Variants in RAB28 observed in about 807,000 individuals in gnomAD.
RAB28 encodes RAB28, member RAS oncogene family, also known as ras-related protein Rab-28.
RAB28 carries 24 observed loss-of-function variants against 31.7 expected under a neutral mutation model. The ratio of observed to expected loss-of-function variants is 0.76; its 90% CI spans 0.55 to 1.06. The LOEUF is 1.06. Ranked by LOEUF, RAB28 falls within the 50% of genes least tolerant of loss-of-function variation. RAB28 has a pLI of 0.00. For missense variants in RAB28, 254 were observed against 258.5 expected (o/e 0.98, Z 0.12); for synonymous variants, 100 against 90.4 (o/e 1.11, Z -0.60).
intron 4 of RAB28, among the ~76,000 whole-genome samples, chr4:13,413,424 A>G (rs1319547226): frequency 6.6e-6 from 1 of 152,244 alleles, no homozygotes; most frequent in Non-Finnish European, 1.5e-5. Context: ...ACTTAAAACC[A>G]AGAATATTTC....
In RAB28 at chr4:13,404,882, C is replaced by G. The variant is rs575917374; in HGVS notation, c.392-23288G>C. On this transcript the variant is annotated intron_variant, in intron 4 of 6. Transcript: ENST00000330852. The stretch of plus-strand genomic sequence containing the variant: ...CAGTTTTTTTGTTGGTTTTCAGTTA[C>G]CCACCATTTTGTTTCGTTTTTGTTA... Among the ~76,000 whole-genome samples, 48 of 151,454 alleles carry G rather than the reference C, an allele frequency of 3.2e-4. No individual in the cohort carries two copies. In the South Asian group the frequency reaches 0.01, roughly 32 times the overall value.
chr4:13,454,770 C>T (rs1406401377), intron 4 of RAB28, among the ~76,000 whole-genome samples: 2 of 152,138 alleles, frequency 1.3e-5, no homozygotes, highest in African/African-American at 4.8e-5. Flanking sequence ...GTTATTCTGG[C>T]TGGGGGCATA....
At chr4:13,444,734 C>T (rs775898240) in intron 4 of RAB28, among the ~76,000 whole-genome samples, 5 of 152,234 alleles carry the variant, frequency 3.3e-5, no homozygotes, top group Non-Finnish European at 5.9e-5. Context: ...TTTAATAAGA[C>T]ATGGGTGTAA....
In RAB28 at chr4:13,372,011, G is replaced by A. The variant is rs1040885199; in HGVS notation, c.574-3361C>T. 7.8e-5 allele frequency: 59 copies of A among 759,736 alleles called. No individual in the cohort carries two copies. In the African/African-American group the frequency reaches 8.8e-4, roughly 11 times the overall value. 47.1% of individuals were successfully genotyped at this position (759,736 alleles called of 1,614,324 possible). A position where few individuals can be genotyped will look rare whatever the true frequency, so the allele number is the denominator to read the frequency against. On this transcript the variant is annotated intron_variant, in intron 6 of 6. Coordinates refer to ENST00000330852, the MANE Select transcript of RAB28 (RefSeq NM_001017979.3). ...CAACCTATGGGTTGGGGCACAAGGT[G>A]TAAGGAGTATAGATGGACTCTGTGC...
At chr4:13,474,460 A>T in intron 2 of RAB28, 54 bp from the exon 3 acceptor site, 1 of 1,075,940 alleles carries the variant, frequency 9.3e-7, no homozygotes, top group South Asian at 1.4e-5. Flanking sequence ...ATTAAGTAAC[A>T]ATACAACAAG....
chr4:13,482,187 T>C (rs1716635045), intron 1 of RAB28, among the ~76,000 whole-genome samples: 1 of 152,116 alleles, frequency 6.6e-6, no homozygotes, highest in South Asian at 2.1e-4. Context: ...GTGAAAAAAT[T>C]ATCCTGTCCT....
Position 13,484,340 on chromosome 4 carries a change from C to T in RAB28, c.-190G>A, listed in dbSNP as rs572346291. 129 of 545,312 alleles carry T rather than the reference C, an allele frequency of 2.4e-4. No homozygotes were observed. In the African/African-American group the frequency reaches 2.5e-3, roughly 10 times the overall value. 33.8% of individuals were successfully genotyped at this position (545,312 alleles called of 1,614,324 possible). A position where few individuals can be genotyped will look rare whatever the true frequency, so the allele number is the denominator to read the frequency against. On this transcript the variant is annotated 5_prime_UTR_variant, in exon 1 of 7. Coordinates refer to ENST00000330852, the MANE Select transcript of RAB28 (RefSeq NM_001017979.3). ...ATCTTGCCCACCTCCCCGCCCTCTG[C>T]GCGCGGCCCCGCCCCCTACGCGCAC...
intron 4 of RAB28, among the ~76,000 whole-genome samples, chr4:13,394,310 C>T (rs1022153098): frequency 1.1e-4 from 17 of 152,146 alleles, no homozygotes; most frequent in Admixed American, 3.3e-4. Flanking sequence ...AAAACTGCTT[C>T]ATCTCAGATC....
At chr4:13,466,232 G>T (rs1023721831) in intron 3 of RAB28, among the ~76,000 whole-genome samples, 5 of 151,828 alleles carry the variant, frequency 3.3e-5, no homozygotes, top group African/African-American at 1.2e-4. Context: ...AAACTAAAAA[G>T]CTTCTGTGCA....
chr4:13,407,798 A>G (rs879813140), intron 4 of RAB28, among the ~76,000 whole-genome samples: 1 of 152,208 alleles, frequency 6.6e-6, no homozygotes, highest in Non-Finnish European at 1.5e-5. Flanking sequence ...AAGTTCACTC[A>G]TGATTTGGCT....
chr4:13,474,480 A>G (rs1048702993), intron 2 of RAB28, 74 bp from the exon 3 acceptor site: 1 of 850,340 alleles, frequency 1.2e-6, no homozygotes, highest in Non-Finnish European at 1.8e-6. Context: ...GTGACACAGT[A>G]TCACAGAATA....
chr4:13,473,053 G>T lies in RAB28; in HGVS notation c.261+1265C>A, dbSNP rs140890304. On this transcript the variant is annotated intron_variant, in intron 3 of 6. Transcript: ENST00000330852. The stretch of plus-strand genomic sequence containing the variant: ...AGCAATGCAAAAAATCAAAACTCTG[G>T]GGCCTTTATAAGTGATTCAGAACCA... Among the ~76,000 whole-genome samples the T allele has an allele frequency of 2.6e-5, 4 of 151,916 alleles. No homozygotes were observed. In the East Asian group the frequency reaches 7.8e-4, roughly 29 times the overall value.
intron 3 of RAB28, among the ~76,000 whole-genome samples, chr4:13,466,219 G>A (rs893819462): frequency 6.6e-6 from 1 of 151,638 alleles, no homozygotes; most frequent in Non-Finnish European, 1.5e-5. Flanking sequence ...TAAGCAAAGA[G>A]GAAAACTAAA....
chr4:13,474,220 G>T (rs979451258), intron 3 of RAB28, 98 bp downstream of exon 3: 1 of 857,168 alleles, frequency 1.2e-6, no homozygotes, highest in Non-Finnish European at 2.0e-6. Flanking sequence ...TAAAAAGTTA[G>T]AAAGAATGTG....
intron 3 of RAB28, among the ~76,000 whole-genome samples, chr4:13,461,537 T>A (rs914899384): frequency 5.9e-5 from 9 of 152,216 alleles, no homozygotes; most frequent in African/African-American, 2.2e-4. Context: ...CTACATATAG[T>A]TTTTTGACAT....
intron 6 of RAB28, chr4:13,370,739 GAAAC>G (rs1728683933): frequency 2.0e-6 from 2 of 984,534 alleles, no homozygotes; most frequent in Non-Finnish European, 2.4e-6. Flanking sequence ...ATTCCATACA[GAAAC>G]AAACAAGTTC....
chr4:13,474,039 T>C (rs1397796091), intron 3 of RAB28: 3 of 516,920 alleles, frequency 5.8e-6, no homozygotes, highest in Non-Finnish European at 7.4e-6. Context: ...AAAATATCAT[T>C]TATCACTGCA....
chr4:13,455,907 G>A (rs902087319), intron 4 of RAB28, among the ~76,000 whole-genome samples: 4 of 152,234 alleles, frequency 2.6e-5, no homozygotes, highest in Non-Finnish European at 4.4e-5. Context: ...CTGGACTTCC[G>A]ATCACCAAGT....
intron 4 of RAB28, among the ~76,000 whole-genome samples, chr4:13,442,735 T>C (rs1714488645): frequency 6.6e-6 from 1 of 152,150 alleles, no homozygotes; most frequent in South Asian, 2.1e-4. Context: ...ATAGCACTAT[T>C]ATATAACAGA....
Sources: allele counts gnomAD v4.1 joint callset (sites outside exome capture counted in the v4.1 genomes callset), GRCh38; gene constraint gnomAD v4.1.1; transcripts MANE v1.5; gene names NCBI Gene and HGNC (gene_info 2026-07-23, HGNC 2026-07-21).